PTPRT: variants seen among roughly 807,000 people sequenced by gnomAD.
PTPRT encodes the protein receptor-type tyrosine-protein phosphatase T.
PTPRT carries 56 observed loss-of-function variants against 176.8 expected under a neutral mutation model. The ratio of observed to expected loss-of-function variants is 0.32; its 90% confidence interval spans 0.26 to 0.40. PTPRT has a LOEUF of 0.40. Ranked by LOEUF, PTPRT falls within the 10% of genes least tolerant of loss-of-function variation. The pLI is 1.00. For missense variants in PTPRT, 1,540 were observed against 1,908.2 expected (o/e 0.81, Z 3.60); for synonymous variants, 783 against 739.0 (o/e 1.06, Z -0.96).
rs914771684 is a variant in PTPRT at position 42,497,300 on chromosome 20, AT to A, written c.1154-24739del. On this transcript the variant is annotated intron_variant, in intron 7 of 30. Coordinates refer to ENST00000373187, the MANE Select transcript of PTPRT (RefSeq NM_007050.6). ...CTTATAACTGAATGTCTTTTATGGC[AT>A]TTTTCCCCCCCAGAATAAGGCACAT... 3.3e-5 allele frequency among the ~76,000 whole-genome samples: 5 copies of A among 151,768 alleles called. No individual in the cohort carries two copies. The East Asian group carries it at 5.8e-4, about 18-fold the overall frequency.
intron 1 of PTPRT, among the ~76,000 whole-genome samples, chr20:42,999,584 A>G (rs868621358): frequency 6.7e-6 from 1 of 149,628 alleles, no homozygotes; most frequent in Non-Finnish European, 1.5e-5. Flanking sequence ...GGTGAGACCC[A>G]GTCTCTAAAA....
rs574495569 is a variant in PTPRT at position 42,889,533 on chromosome 20, T to C, written c.89-3601A>G. 1.0e-3 allele frequency among the ~76,000 whole-genome samples: 159 copies of C among 152,306 alleles called. 1 individual carries two copies. The South Asian group carries it at 0.016, about 16-fold the overall frequency. On this transcript the variant is annotated intron_variant, in intron 1 of 30. Coordinates refer to ENST00000373187, the MANE Select transcript of PTPRT (RefSeq NM_007050.6). Reference sequence around the variant, plus strand: ...TGACTTATGCATTCAGGACAGAAAATGGGGACCGTAAGGTCACTCTGGGGA... The same window carrying C: ...TGACTTATGCATTCAGGACAGAAAACGGGGACCGTAAGGTCACTCTGGGGA...
In PTPRT at chr20:42,102,191, C is replaced by A. The variant is rs372700928; in HGVS notation, c.3647G>T (p.Arg1216Leu). Reference protein sequence around the residue: ...NRSMDVLPLDRCLPFLISVDG... With the variant: ...NRSMDVLPLDLCLPFLISVDG... ...CACTGAGATAAGGAAGGGCAGGCAG[C>A]GGTCCAGAGGCAGCACGTCCATACT... Residue 1216 changes from arginine to leucine, a missense_variant, in exon 26 of 31, where the codon CGC becomes CTC. Arg to Leu is a moderately radical substitution (Grantham distance 102). Transcript: ENST00000373187. The A allele has an allele frequency of 1.2e-5, 19 of 1,614,038 alleles. No homozygotes were observed. Among genetic ancestry groups the A allele is most frequent in the Non-Finnish European group, 1.6e-5 (19 of 1,180,022 alleles).
chr20:42,167,023 T>C (rs1174907758), intron 16 of PTPRT, among the ~76,000 whole-genome samples: 6 of 151,912 alleles, frequency 3.9e-5, no homozygotes, highest in African/African-American at 1.5e-4. Context: ...TAGAATGGGG[T>C]TTGGATCATT....
intron 15 of PTPRT, among the ~76,000 whole-genome samples, chr20:42,200,325 G>A (rs116661257): frequency 2.0e-3 from 297 of 152,284 alleles, no homozygotes; most frequent in Middle Eastern, 0.01. Flanking sequence ...AACCTTATAG[G>A]GTTGTGAGGA....
At chr20:42,515,347 G>A (rs1601169742) in intron 7 of PTPRT, among the ~76,000 whole-genome samples, 1 of 152,062 alleles carries the variant, frequency 6.6e-6, no homozygotes, top group East Asian at 1.9e-4. Flanking sequence ...GTCAGGTGTG[G>A]TGGCATGTGC....
chr20:42,730,791 A>G (rs944763647), intron 6 of PTPRT, among the ~76,000 whole-genome samples: 2 of 152,160 alleles, frequency 1.3e-5, no homozygotes, highest in Non-Finnish European at 2.9e-5. Context: ...GAGAATAAAA[A>G]AGTCTGGTCC....
chr20:42,211,130 T>G (rs1326024754), intron 15 of PTPRT, among the ~76,000 whole-genome samples: 3 of 152,158 alleles, frequency 2.0e-5, no homozygotes, highest in African/African-American at 7.2e-5. Context: ...CCTTACACCT[T>G]ATACAAAAAT....
intron 1 of PTPRT, among the ~76,000 whole-genome samples, chr20:42,996,612 G>C (rs1322375265): frequency 6.6e-6 from 1 of 152,168 alleles, no homozygotes; most frequent in Non-Finnish European, 1.5e-5. Context: ...AGGGTGTATG[G>C]AGTGGTGACG....
chr20:42,418,056 C>A (rs542362068), intron 9 of PTPRT, among the ~76,000 whole-genome samples: 1 of 152,024 alleles, frequency 6.6e-6, no homozygotes, highest in African/African-American at 2.4e-5. Context: ...CCCCTCATTA[C>A]GCAAATAAGG....
intron 1 of PTPRT, among the ~76,000 whole-genome samples, chr20:42,956,547 T>C (rs1056919844): frequency 6.6e-6 from 1 of 152,186 alleles, no homozygotes; most frequent in African/African-American, 2.4e-5. Context: ...CCATGCTTTC[T>C]GGAAGCCTGC....
intron 13 of PTPRT, among the ~76,000 whole-genome samples, chr20:42,271,641 T>C (rs2056937427): frequency 6.6e-6 from 1 of 152,216 alleles, no homozygotes; most frequent in Non-Finnish European, 1.5e-5. Flanking sequence ...ATCATAGAAT[T>C]TGTAAAACTT....
chr20:42,446,892 G>A (rs1391216345), intron 9 of PTPRT, among the ~76,000 whole-genome samples: 2 of 151,944 alleles, frequency 1.3e-5, no homozygotes, highest in African/African-American at 4.8e-5. Flanking sequence ...TGAGAGCTGC[G>A]CCAAGCTCCC....
intron 6 of PTPRT, among the ~76,000 whole-genome samples, chr20:42,680,041 G>C (rs1425128220): frequency 6.6e-6 from 1 of 152,196 alleles, no homozygotes; most frequent in African/African-American, 2.4e-5. Flanking sequence ...GCATTTGTTT[G>C]AGAATATTTC....
chr20:42,149,505 C>T (rs1424638203), intron 17 of PTPRT, among the ~76,000 whole-genome samples: 10 of 151,680 alleles, frequency 6.6e-5, no homozygotes, highest in East Asian at 3.9e-4. Flanking sequence ...CTCACCGCAA[C>T]GTCTGCCTCC....
chr20:42,054,304 A>G, the PTPRT span, among the ~76,000 whole-genome samples: 26 of 152,234 alleles, frequency 1.7e-4, no homozygotes, highest in Middle Eastern at 3.4e-3. Context: ...TTTTTAAGGA[A>G]CTGGTTATAT....
At chr20:42,618,313 T>C (rs1274804193) in intron 7 of PTPRT, among the ~76,000 whole-genome samples, 5 of 134,280 alleles carry the variant, frequency 3.7e-5, no homozygotes, top group Admixed American at 7.1e-5. Context: ...AGATAGTTTG[T>C]TATAATTTCT....
At chr20:42,833,396 A>AC (rs3092600) in intron 2 of PTPRT, among the ~76,000 whole-genome samples, 12,402 of 151,124 alleles carry the variant, frequency 0.082, 628 homozygotes, top group Admixed American at 0.15. Context: ...ACATAGCGAG[A>AC]CCCCCCATCT....
chr20:42,746,405 G>A (rs2076691504), intron 6 of PTPRT, among the ~76,000 whole-genome samples: 2 of 152,258 alleles, frequency 1.3e-5, no homozygotes, highest in Middle Eastern at 3.4e-3. Context: ...GGAGGATGGG[G>A]AATGATGAGG....
Sources: gnomAD v4.1 joint callset for allele counts (sites outside exome capture counted in the v4.1 genomes callset) on GRCh38, gnomAD v4.1.1 for gene constraint, MANE v1.5 for transcripts, NCBI Gene and HGNC (gene_info 2026-07-23, HGNC 2026-07-21) for gene names.